The following RPS6KA2 variants were observed in gnomAD, a reference collection of about 807,000 sequenced individuals.
The protein encoded by RPS6KA2 is ribosomal protein S6 kinase A2, also known as ribosomal protein S6 kinase alpha-2.
In RPS6KA2, 42 loss-of-function variants were observed where a neutral mutation model predicts 91.8. The ratio of observed to expected loss-of-function variants is 0.46; its 90% CI spans 0.36 to 0.59. RPS6KA2 has a LOEUF of 0.59. Ranked by LOEUF, RPS6KA2 falls within the 20% of genes least tolerant of loss-of-function variation. RPS6KA2 has a pLI of 0.00. For missense variants in RPS6KA2, 798 were observed against 978.5 expected (o/e 0.82, Z 2.46); for synonymous variants, 414 against 393.6 (o/e 1.05, Z -0.61).
intron 2 of RPS6KA2, among the ~76,000 whole-genome samples, chr6:166,817,202 T>TC (rs5881716): frequency 6.6e-6 from 1 of 151,884 alleles, no homozygotes; most frequent in Non-Finnish European, 1.5e-5. Context: ...CCCCTGCTGC[T>TC]CCCCCCTTAG....
At chr6:166,551,474 G>C (rs1784021455) in intron 1 of RPS6KA2, among the ~76,000 whole-genome samples, 1 of 152,164 alleles carries the variant, frequency 6.6e-6, no homozygotes, top group Admixed American at 6.5e-5. Flanking sequence ...CTTACGAATG[G>C]AAGCCCTACG....
At chr6:166,513,165 C>A (rs1263031063) in intron 3 of RPS6KA2, among the ~76,000 whole-genome samples, 1 of 152,192 alleles carries the variant, frequency 6.6e-6, no homozygotes, top group Non-Finnish European at 1.5e-5. Flanking sequence ...ATCCTGGGCC[C>A]CATGTAGCCC....
intron 2 of RPS6KA2, among the ~76,000 whole-genome samples, chr6:166,812,250 G>A (rs1311078629): frequency 1.3e-5 from 2 of 152,216 alleles, no homozygotes; most frequent in East Asian, 1.9e-4. Flanking sequence ...CAGCTACTCA[G>A]GAGGCTGAGG....
intron 2 of RPS6KA2, among the ~76,000 whole-genome samples, chr6:166,828,260 G>A (rs955925434): frequency 6.6e-6 from 1 of 152,148 alleles, no homozygotes; most frequent in Admixed American, 6.5e-5. Flanking sequence ...AGAATGGCCC[G>A]GAAGGTGAAC....
At chr6:166,703,123 T>TA (rs1294523943) in intron 2 of RPS6KA2, among the ~76,000 whole-genome samples, 1 of 152,230 alleles carries the variant, frequency 6.6e-6, no homozygotes, top group African/African-American at 2.4e-5. Flanking sequence ...AGTCATTTTT[T>TA]AACCATAATG....
chr6:166,613,833 G>A (rs1786291453), intron 1 of RPS6KA2, among the ~76,000 whole-genome samples: 2 of 151,794 alleles, frequency 1.3e-5, no homozygotes, highest in African/African-American at 4.8e-5. Context: ...ACACAGTCGG[G>A]CTTTCCACGG....
intron 2 of RPS6KA2, among the ~76,000 whole-genome samples, chr6:166,853,511 G>A (rs1186904819): frequency 6.6e-6 from 1 of 152,170 alleles, no homozygotes; most frequent in East Asian, 1.9e-4. Context: ...ATTGAAGCTG[G>A]CTCTCCTCCT....
intron 2 of RPS6KA2, among the ~76,000 whole-genome samples, chr6:166,814,921 A>C (rs550718814): frequency 9.8e-5 from 15 of 152,332 alleles, no homozygotes; most frequent in African/African-American, 3.4e-4. Context: ...AATAAAGTGC[A>C]TATAAATGTA....
At chr6:166,544,001 C>T (rs180822181) in intron 1 of RPS6KA2, among the ~76,000 whole-genome samples, 13 of 152,334 alleles carry the variant, frequency 8.5e-5, no homozygotes, top group Non-Finnish European at 1.5e-4. Flanking sequence ...GTTCCCCTGC[C>T]CTGTGAGGCT....
intron 11 of RPS6KA2, among the ~76,000 whole-genome samples, chr6:166,469,331 T>TG (rs1265341148): frequency 1.3e-5 from 2 of 151,620 alleles, no homozygotes; most frequent in South Asian, 4.2e-4. Flanking sequence ...CTGTTGTTTT[T>TG]TTTTTTTTTT....
At chr6:166,833,429 T>G (rs1780236817) in intron 2 of RPS6KA2, among the ~76,000 whole-genome samples, 2 of 152,376 alleles carry the variant, frequency 1.3e-5, no homozygotes, top group South Asian at 4.1e-4. Flanking sequence ...TACAGGCGAA[T>G]TCACTTCCTT....
rs1778306735 is a variant in RPS6KA2 at position 166,411,553 on chromosome 6, C to T, written c.*1209G>A. Reference sequence around the variant, plus strand: ...TCAATGAAGTAGAGCACAGCATGGCCTAAATGCCCCACACCCGCCCTGTGT... The same window carrying T: ...TCAATGAAGTAGAGCACAGCATGGCTTAAATGCCCCACACCCGCCCTGTGT... On this transcript the variant is annotated 3_prime_UTR_variant, in exon 21 of 21. Transcript: ENST00000265678. The surrounding 1 kb of genome is among the most constrained non-coding windows in gnomAD (Gnocchi z 4.5). The T allele has an allele frequency of 1.3e-5, 2 of 152,356 alleles. No individual in the cohort carries two copies. The highest frequency in any genetic ancestry group is 2.4e-5 in the African/African-American group (1 of 41,452). The allele number at this position is 152,356 out of a possible 1,614,324, so 9.4% of individuals were successfully genotyped here.
intron 2 of RPS6KA2, among the ~76,000 whole-genome samples, chr6:166,814,821 C>A (rs1490055639): frequency 6.6e-6 from 1 of 152,184 alleles, no homozygotes; most frequent in Admixed American, 6.5e-5. Flanking sequence ...CGTCTAGTTG[C>A]AGGAAAACAA....
In RPS6KA2 at chr6:166,724,721, G is replaced by A. The variant is rs574154218; in HGVS notation, c.123+133479C>T. Among the ~76,000 whole-genome samples, 12 of 152,282 alleles carry A rather than the reference G, an allele frequency of 7.9e-5. No individual in the cohort carries two copies. The South Asian group carries it at 2.5e-3, about 32-fold the overall frequency. On this transcript the variant is annotated intron_variant, in intron 2 of 21. Transcript: ENST00000503859. Reference sequence around the variant, plus strand: ...TCCTAGTCCTATGCTGAGGGTGCAGGTTCCTATTCTTTTAACGTGGACCAT... The same window carrying A: ...TCCTAGTCCTATGCTGAGGGTGCAGATTCCTATTCTTTTAACGTGGACCAT...
At position 166,504,555 on chromosome 6, in the gene RPS6KA2, C is replaced by A. The variant is rs770224078; in HGVS notation, c.517G>T (p.Asp173Tyr). The A allele has an allele frequency of 6.2e-7, 1 of 1,614,024 alleles. No individual in the cohort carries two copies. Among genetic ancestry groups the A allele is most frequent in the Non-Finnish European group, 8.5e-7 (1 of 1,179,938 alleles). The change falls in exon 6 of 21, where the codon GAC becomes TAC. Residue 173 changes from aspartate (D) to tyrosine (Y), a missense_variant. Transcript: ENST00000265678. ...FYLAELALAL[D>Y]HLHSLGIIYR... The stretch of plus-strand genomic sequence containing the variant: ...ATGATCCCCAGGCTGTGGAGATGGT[C>A]TAAAGCCAAGGCCAGCTCAGCCAGG...
rs2128506471 is a variant in RPS6KA2, at chr6:166,563,394, C to CGCCA, written c.100-24614_100-24611dup. 6.6e-6 allele frequency among the ~76,000 whole-genome samples: 1 copy of CGCCA among 152,320 alleles called. No individual in the cohort carries two copies. Among genetic ancestry groups the CGCCA allele is most frequent in the South Asian group, 2.1e-4 (1 of 4,828 alleles). ...TTTCCTCCCAGTCTCCTGGGCTCGC[C>CGCCA]GCCAGCGGTGGGATCCCTCTTCCTG... is the stretch of plus-strand genomic sequence containing the variant. On this transcript the variant is annotated intron_variant, in intron 1 of 20. Transcript: ENST00000265678. The surrounding 1 kb of genome is among the most constrained non-coding windows in gnomAD (Gnocchi z 4.1).
chr6:166,551,753 G>A (rs934911107), intron 1 of RPS6KA2, among the ~76,000 whole-genome samples: 8 of 152,176 alleles, frequency 5.3e-5, no homozygotes, highest in African/African-American at 1.9e-4. Context: ...CCAGGCACCT[G>A]ATCACCCTCC....
chr6:166,539,734 G>A (rs1783595225), intron 1 of RPS6KA2, among the ~76,000 whole-genome samples: 1 of 152,180 alleles, frequency 6.6e-6, no homozygotes, highest in African/African-American at 2.4e-5. Flanking sequence ...GACTTCCCTT[G>A]TAAAGGGGTA....
At chr6:166,716,056 A>ATG (rs1211293194) in intron 2 of RPS6KA2, among the ~76,000 whole-genome samples, 2 of 99,174 alleles carry the variant, frequency 2.0e-5, no homozygotes, top group Non-Finnish European at 3.9e-5. Flanking sequence ...AAAAAAAAAA[A>ATG]AAAAAGAAGG....
Sources: gnomAD v4.1 joint callset for allele counts (sites outside exome capture counted in the v4.1 genomes callset) on GRCh38, gnomAD v4.1.1 for gene constraint, Gnocchi (gnomAD v3.1) non-coding constraint, MANE v1.5 for transcripts, NCBI Gene and HGNC (gene_info 2026-07-23, HGNC 2026-07-21) for gene names.